NAALADL2: variants seen among roughly 807,000 people sequenced by gnomAD.
NAALADL2 encodes N-acetylated alpha-linked acidic dipeptidase like 2, also known as inactive N-acetylated-alpha-linked acidic dipeptidase-like protein 2.
In NAALADL2, 76 loss-of-function variants were observed where a neutral mutation model predicts 87.2. That is an observed-to-expected ratio of 0.87 (90% CI 0.72 to 1.05). The LOEUF (loss-of-function observed/expected upper bound fraction) is 1.05, where lower values mean the gene tolerates loss of function less well. NAALADL2 is among the 50% of genes least tolerant of loss of function. The probability of loss-of-function intolerance (pLI) is 0.00; values close to 1 mark genes in which losing one functional copy is unlikely to be tolerated. For missense variants in NAALADL2, 1,089 were observed against 945.8 expected (o/e 1.15, Z -1.99); for synonymous variants, 354 against 331.0 (o/e 1.07, Z -0.75).
intron 6 of NAALADL2, among the ~76,000 whole-genome samples, 177 bp downstream of exon 6, chr3:175,447,549 T>TA (rs891336662): frequency 1.3e-5 from 2 of 152,192 alleles, no homozygotes; most frequent in African/African-American, 4.8e-5. Flanking sequence ...GTAATTTTGA[T>TA]AGAGACTGAG....
chr3:174,887,284 C>G (rs943712235), intron 1 of NAALADL2, among the ~76,000 whole-genome samples: 1 of 149,914 alleles, frequency 6.7e-6, no homozygotes, highest in Non-Finnish European at 1.5e-5. Flanking sequence ...TTATCAATGT[C>G]ATTATCACTT....
chr3:174,676,830 TA>T (rs1727084839), intron 2 of NAALADL2, among the ~76,000 whole-genome samples: 1 of 151,944 alleles, frequency 6.6e-6, no homozygotes. Flanking sequence ...TAAGTTAGTT[TA>T]AAAATTTTTA....
rs74581334 is a variant in NAALADL2 at position 175,023,182 on chromosome 3, A to G, written c.44-73608A>G. Among the ~76,000 whole-genome samples the G allele has an allele frequency of 3.3e-3, 504 of 152,244 alleles. 3 individuals are homozygous for G. Among genetic ancestry groups the G allele is most frequent in the African/African-American group, 0.01 (427 of 41,582 alleles). ...CTAGGGAGATGTAGAATACAAATATAGTCTCTCAATTCTAAGAAGTATCCA... is the reference window on the plus strand; with the variant it reads ...CTAGGGAGATGTAGAATACAAATATGGTCTCTCAATTCTAAGAAGTATCCA... On this transcript the variant is annotated intron_variant, in intron 1 of 13. Transcript: ENST00000454872.
At chr3:175,777,644 A>G (rs888828403) in intron 13 of NAALADL2, among the ~76,000 whole-genome samples, 1 of 152,156 alleles carries the variant, frequency 6.6e-6, no homozygotes, top group Non-Finnish European at 1.5e-5. Flanking sequence ...GACTAGTGCT[A>G]TGATAAAACC....
At chr3:175,693,920 C>T (rs1037643257) in intron 11 of NAALADL2, among the ~76,000 whole-genome samples, 1 of 152,104 alleles carries the variant, frequency 6.6e-6, no homozygotes, top group African/African-American at 2.4e-5. Context: ...GTCTTGATCT[C>T]TTGACCTAGT....
rs117126004 is a variant in NAALADL2 at position 175,046,211 on chromosome 3, T to C, written c.44-50579T>C. ...AGTGCTTCATAAACTTTTCTGTGCA[T>C]GTGTCTTCTTGAGTATTTGTTTAAA... is the stretch of plus-strand genomic sequence containing the variant. On this transcript the variant is annotated intron_variant, in intron 1 of 13. Transcript: ENST00000454872. Among the ~76,000 whole-genome samples the C allele has an allele frequency of 3.6e-3, 542 of 152,248 alleles. 22 individuals are homozygous for C. The East Asian group carries it at 0.082, about 23-fold the overall frequency.
intron 2 of NAALADL2, among the ~76,000 whole-genome samples, chr3:174,732,800 TA>T (rs1669964820): frequency 6.6e-6 from 1 of 152,138 alleles, no homozygotes; most frequent in Non-Finnish European, 1.5e-5. Context: ...TGGCAACCAT[TA>T]AAAAATGGCT....
chr3:174,669,314 A>G (rs1726295408), intron 2 of NAALADL2, among the ~76,000 whole-genome samples: 1 of 152,036 alleles, frequency 6.6e-6, no homozygotes, highest in South Asian at 2.1e-4. Context: ...TCTGGATATT[A>G]GCCCTTTGTC....
intron 2 of NAALADL2, among the ~76,000 whole-genome samples, chr3:174,554,515 T>A (rs1712515674): frequency 6.6e-6 from 1 of 152,056 alleles, no homozygotes; most frequent in Non-Finnish European, 1.5e-5. Flanking sequence ...CTTCCTTTCT[T>A]CTTTCCCACC....
upstream of NAALADL2, among the ~76,000 whole-genome samples, chr3:174,858,821 A>G (rs970742628): frequency 2.0e-5 from 3 of 151,912 alleles, no homozygotes; most frequent in Admixed American, 6.6e-5. Flanking sequence ...ATATTATTCT[A>G]TTTTATAGTT....
intron 2 of NAALADL2, among the ~76,000 whole-genome samples, chr3:174,640,635 T>C (rs1290619230): frequency 6.6e-6 from 1 of 152,184 alleles, no homozygotes; most frequent in African/African-American, 2.4e-5. Context: ...TCAGGAAGGC[T>C]TGGATAGAGC....
At chr3:175,051,193 T>G (rs1237861102) in intron 1 of NAALADL2, among the ~76,000 whole-genome samples, 1 of 152,238 alleles carries the variant, frequency 6.6e-6, no homozygotes, top group African/African-American at 2.4e-5. Flanking sequence ...TTGAAGATTC[T>G]TTTCATTTAC....
chr3:175,401,687 A>G (rs1770580813), intron 5 of NAALADL2, among the ~76,000 whole-genome samples: 1 of 152,188 alleles, frequency 6.6e-6, no homozygotes, highest in Non-Finnish European at 1.5e-5. Context: ...AAACAGCTAA[A>G]CACAGAAAAT....
At chr3:174,947,301 A>G (rs1171877897) in intron 1 of NAALADL2, among the ~76,000 whole-genome samples, 1 of 152,062 alleles carries the variant, frequency 6.6e-6, no homozygotes, top group African/African-American at 2.4e-5. Flanking sequence ...TTTTTGCACA[A>G]GATTACATGT....
intron 10 of NAALADL2, among the ~76,000 whole-genome samples, chr3:175,621,643 A>G (rs1021712055): frequency 4.6e-5 from 7 of 152,224 alleles, no homozygotes; most frequent in Non-Finnish European, 1.0e-4. Flanking sequence ...ACACAATAGA[A>G]CAATACTACA....
chr3:175,628,545 C>A (rs1460411071), intron 11 of NAALADL2, among the ~76,000 whole-genome samples: 2 of 149,280 alleles, frequency 1.3e-5, no homozygotes, highest in East Asian at 3.9e-4. Context: ...CCTGTCATCA[C>A]CTGCCTTTTG....
At chr3:174,794,439 G>A (rs73174752) in intron 3 of NAALADL2, among the ~76,000 whole-genome samples, 18,646 of 152,042 alleles carry the variant, frequency 0.12, 1,367 homozygotes, top group Non-Finnish European at 0.15. Context: ...GGGAATGAAA[G>A]AGGACAGAAA....
At chr3:175,143,763 A>G (rs1357020669) in intron 2 of NAALADL2, among the ~76,000 whole-genome samples, 1 of 151,864 alleles carries the variant, frequency 6.6e-6, no homozygotes, top group Non-Finnish European at 1.5e-5. Context: ...ATGTATTCTC[A>G]AGTTTCTTTT....
At chr3:175,736,042 T>A (rs996939288) in intron 11 of NAALADL2, among the ~76,000 whole-genome samples, 12 of 152,158 alleles carry the variant, frequency 7.9e-5, no homozygotes, top group African/African-American at 2.9e-4. Flanking sequence ...TGTAGGGACA[T>A]TCGTTAAGCC....
Sources: allele counts gnomAD v4.1 joint callset (sites outside exome capture counted in the v4.1 genomes callset), GRCh38; gene constraint gnomAD v4.1.1; transcripts MANE v1.5; gene names NCBI Gene and HGNC (gene_info 2026-07-23, HGNC 2026-07-21).